The following TTC1 variants were observed in gnomAD, a reference collection of about 807,000 sequenced individuals.
The protein encoded by TTC1 is tetratricopeptide repeat protein 1.
In TTC1, 31 loss-of-function variants were observed where a neutral mutation model predicts 37.6. The ratio of observed to expected loss-of-function variants is 0.82; its 90% CI spans 0.62 to 1.11. TTC1 has a LOEUF of 1.11. TTC1 is among the 50% of genes most tolerant of loss of function. The probability of loss-of-function intolerance (pLI) is 0.00; values close to 1 mark genes in which losing one functional copy is unlikely to be tolerated. For missense variants in TTC1, 351 were observed against 339.0 expected (o/e 1.04, Z -0.28); for synonymous variants, 127 against 122.4 (o/e 1.04, Z -0.25).
intron 6 of TTC1, among the ~76,000 whole-genome samples, chr5:160,050,670 G>T (rs1216123019): frequency 6.8e-6 from 1 of 146,788 alleles, no homozygotes; most frequent in Non-Finnish European, 1.5e-5. Flanking sequence ...CTGACTCCCA[G>T]GCTGGAGAGC....
intron 5 of TTC1, among the ~76,000 whole-genome samples, chr5:160,047,243 G>T (rs975676679): frequency 7.2e-5 from 11 of 152,040 alleles, no homozygotes; most frequent in Admixed American, 6.6e-4. Context: ...CAGATTTAAC[G>T]TGCCCAGCCC....
chr5:160,033,097 A>G (rs1261805352), intron 2 of TTC1, among the ~76,000 whole-genome samples: 1 of 152,114 alleles, frequency 6.6e-6, no homozygotes, highest in East Asian at 1.9e-4. Context: ...CTTGCCAGTA[A>G]ACCTGCCCCC....
At chr5:160,011,546 T>A (rs2113337750) in intron 2 of TTC1, among the ~76,000 whole-genome samples, 1 of 152,352 alleles carries the variant, frequency 6.6e-6, no homozygotes, top group East Asian at 1.9e-4. Flanking sequence ...AATTCTCAAA[T>A]CAAATCTGTT....
chr5:160,019,495 A>G (rs561733092), intron 2 of TTC1, among the ~76,000 whole-genome samples: 225 of 151,854 alleles, frequency 1.5e-3, no homozygotes, highest in African/African-American at 5.0e-3. Context: ...AAAAGTTCTC[A>G]GTAACTTCTT....
chr5:160,065,204 C>G lies in TTC1; in HGVS notation c.*139C>G. 8.6e-7 allele frequency: 1 copy of G among 1,161,240 alleles called. No homozygotes were observed. Among genetic ancestry groups the G allele is most frequent in the East Asian group, 2.5e-5 (1 of 40,252 alleles). 71.9% of individuals were successfully genotyped at this position (1,161,240 alleles called of 1,614,324 possible). A position where few individuals can be genotyped will look rare whatever the true frequency, so the allele number is the denominator to read the frequency against. ...GCTATCCAGTAGAGCCCAGTGCTCC[C>G]TTGTCCCTCTTTTATGATCAGGGTG... On this transcript the variant is annotated 3_prime_UTR_variant, in exon 8 of 8. Transcript: ENST00000231238.
At chr5:160,064,881 C>G (rs1300477737) in intron 7 of TTC1, 51 bp from the exon 8 acceptor site, 1 of 1,571,214 alleles carries the variant, frequency 6.4e-7, no homozygotes, top group Non-Finnish European at 8.6e-7. Context: ...TGGTACCTTC[C>G]TGCTTCTGTT....
intron 4 of TTC1, 111 bp from the exon 5 acceptor site, chr5:160,043,022 A>G (rs1757127980): frequency 2.7e-6 from 3 of 1,127,226 alleles, no homozygotes; most frequent in Non-Finnish European, 3.7e-6. Flanking sequence ...TTCTTTGAAA[A>G]CCATTCTGTA....
In TTC1 at chr5:160,010,420, A is replaced by G. The variant is rs182056745; in HGVS notation, c.-29-80A>G. On this transcript the variant is annotated intron_variant, in intron 1 of 7. Coordinates refer to ENST00000231238, the MANE Select transcript of TTC1 (RefSeq NM_003314.3). ...ACGGTGTGTTTTTTGGCTGTAATGC[A>G]GAGGTTTGTTTAGGTTTGAAACAGA... 553 of 868,412 alleles carry G rather than the reference A, an allele frequency of 6.4e-4. 3 individuals carry two copies. The African/African-American group carries it at 7.9e-3, about 12-fold the overall frequency. 53.8% of individuals were successfully genotyped at this position (868,412 alleles called of 1,614,324 possible).
chr5:160,015,504 G>A (rs930886774), intron 2 of TTC1, among the ~76,000 whole-genome samples: 1 of 152,130 alleles, frequency 6.6e-6, no homozygotes, highest in Admixed American at 6.5e-5. Flanking sequence ...GCTGCGCCTG[G>A]CCTATAAAAA....
chr5:160,051,334 C>A, intron 7 of TTC1, 151 bp downstream of exon 7: 1 of 576,288 alleles, frequency 1.7e-6, no homozygotes, highest in Non-Finnish European at 2.9e-6. Flanking sequence ...CCAGAAGGGG[C>A]AGCGTGGCTT....
chr5:160,030,079 A>T (rs1225884580), intron 2 of TTC1, among the ~76,000 whole-genome samples: 2 of 152,246 alleles, frequency 1.3e-5, no homozygotes, highest in Non-Finnish European at 2.9e-5. Context: ...TGTGAGGCAG[A>T]ATTGAATTAC....
chr5:160,020,824 T>C (rs1231929090), intron 2 of TTC1, among the ~76,000 whole-genome samples: 1 of 152,228 alleles, frequency 6.6e-6, no homozygotes, highest in Admixed American at 6.5e-5. Flanking sequence ...TGGTGAATTG[T>C]ATAACTATTT....
intron 7 of TTC1, among the ~76,000 whole-genome samples, chr5:160,059,697 C>T (rs983674879): frequency 2.6e-5 from 4 of 152,134 alleles, no homozygotes; most frequent in Admixed American, 6.5e-5. Flanking sequence ...GAACATGCAC[C>T]GCACTTACCA....
chr5:160,061,898 A>C (rs1338327806), intron 7 of TTC1: 2 of 152,368 alleles, frequency 1.3e-5, no homozygotes, highest in East Asian at 3.9e-4. Flanking sequence ...CCTGTGGAGG[A>C]GGAAAGGCCG....
In TTC1 at chr5:160,018,310, T is replaced by C. The variant is rs181612341; in HGVS notation, c.330+7452T>C. Among the ~76,000 whole-genome samples, 96 of 152,292 alleles carry C rather than the reference T, an allele frequency of 6.3e-4. 1 individual carries two copies. The highest frequency in any genetic ancestry group is 2.3e-3 in the African/African-American group (94 of 41,558). ...TCTATTATTTATAAATTACTGAGTC[T>C]GTTATTTTGTTATAGCAACCTGACT... is the stretch of plus-strand genomic sequence containing the variant. On this transcript the variant is annotated intron_variant, in intron 2 of 7. Coordinates refer to ENST00000231238, the MANE Select transcript of TTC1 (RefSeq NM_003314.3).
At chr5:160,048,015 A>G (rs1483206395) in intron 5 of TTC1, among the ~76,000 whole-genome samples, 1 of 152,074 alleles carries the variant, frequency 6.6e-6, no homozygotes, top group Non-Finnish European at 1.5e-5. Flanking sequence ...CCAGAGACAT[A>G]CTACATTGGA....
intron 7 of TTC1, among the ~76,000 whole-genome samples, chr5:160,052,122 G>A (rs1045931805): frequency 6.6e-5 from 10 of 152,188 alleles, no homozygotes; most frequent in Admixed American, 1.3e-4. Context: ...CTGTAAAGAC[G>A]GCTGCTTCCG....
chr5:160,061,474 T>C (rs1431716682), intron 7 of TTC1, among the ~76,000 whole-genome samples: 1 of 152,230 alleles, frequency 6.6e-6, no homozygotes, highest in Non-Finnish European at 1.5e-5. Flanking sequence ...TTTGCATCTC[T>C]ACCACACATA....
intron 2 of TTC1, among the ~76,000 whole-genome samples, chr5:160,022,022 G>A (rs1756719207): frequency 6.6e-6 from 1 of 152,200 alleles, no homozygotes; most frequent in African/African-American, 2.4e-5. Flanking sequence ...ACTGCAGAGG[G>A]CAGCAGAGAG....
Sources: gnomAD v4.1 joint callset for allele counts (sites outside exome capture counted in the v4.1 genomes callset) on GRCh38, gnomAD v4.1.1 for gene constraint, MANE v1.5 for transcripts, NCBI Gene and HGNC (gene_info 2026-07-23, HGNC 2026-07-21) for gene names.